FBXO36: variants seen among roughly 807,000 people sequenced by gnomAD.
FBXO36 encodes the protein F-box protein 36.
In FBXO36, 18 loss-of-function variants were observed where a neutral mutation model predicts 17.0. That is an observed-to-expected ratio of 1.06 (90% CI 0.73 to 1.57). The LOEUF (loss-of-function observed/expected upper bound fraction) is 1.57, where lower values mean the gene tolerates loss of function less well. Among genes scored for constraint, FBXO36 ranks in the 40% most tolerant of loss-of-function variants. The pLI, the probability that FBXO36 is intolerant of heterozygous loss-of-function variation, is 0.00. For missense variants in FBXO36, 229 were observed against 221.9 expected (o/e 1.03, Z -0.20); for synonymous variants, 83 against 85.3 (o/e 0.97, Z 0.15).
At chr2:229,950,536 T>C (rs1292180628) in intron 1 of FBXO36, among the ~76,000 whole-genome samples, 1 of 152,076 alleles carries the variant, frequency 6.6e-6, no homozygotes, top group Non-Finnish European at 1.5e-5. Flanking sequence ...CTGTCTAAGG[T>C]CAGAAATGTC....
chr2:229,953,329 ACT>A, intron 1 of FBXO36, among the ~76,000 whole-genome samples: 1 of 151,698 alleles, frequency 6.6e-6, no homozygotes, highest in African/African-American at 2.4e-5. Flanking sequence ...ACAGAGTGAG[ACT>A]CTCAAAAAAT....
chr2:229,960,958 A>C (rs2077117577), intron 1 of FBXO36, among the ~76,000 whole-genome samples: 1 of 152,056 alleles, frequency 6.6e-6, no homozygotes, highest in African/African-American at 2.4e-5. Context: ...AAAATACAAA[A>C]ATTAGCTGGG....
intron 2 of FBXO36, among the ~76,000 whole-genome samples, chr2:229,986,366 A>T (rs894054117): frequency 3.9e-5 from 6 of 151,962 alleles, no homozygotes; most frequent in African/African-American, 1.4e-4. Flanking sequence ...CTGGGTGTGG[A>T]TTCACGTTCA....
intron 3 of FBXO36, among the ~76,000 whole-genome samples, chr2:229,998,842 G>A (rs1268053134): frequency 1.4e-5 from 2 of 140,140 alleles, no homozygotes; most frequent in African/African-American, 2.7e-5. Flanking sequence ...TCTGTCTGTC[G>A]CCCAGGCTGA....
intron 3 of FBXO36, among the ~76,000 whole-genome samples, chr2:230,007,452 G>A (rs951718907): frequency 9.2e-5 from 14 of 152,258 alleles, no homozygotes; most frequent in Middle Eastern, 3.4e-3. Context: ...TGGCCAAGCA[G>A]GTGAAGCCCC....
chr2:229,980,752 G>T (rs2077234964), intron 2 of FBXO36, among the ~76,000 whole-genome samples: 1 of 152,148 alleles, frequency 6.6e-6, no homozygotes, highest in Non-Finnish European at 1.5e-5. Flanking sequence ...CCTGCTGGCT[G>T]TGTTCCTGCT....
intron 3 of FBXO36, among the ~76,000 whole-genome samples, chr2:229,998,487 T>C (rs1474858154): frequency 6.6e-6 from 1 of 152,090 alleles, no homozygotes; most frequent in Non-Finnish European, 1.5e-5. Flanking sequence ...CCAAGCGTGG[T>C]AGCACATGCC....
intron 3 of FBXO36, among the ~76,000 whole-genome samples, chr2:229,997,615 A>G (rs1446425430): frequency 6.7e-6 from 1 of 150,110 alleles, no homozygotes; most frequent in Non-Finnish European, 1.5e-5. Context: ...TAGGGCAAGG[A>G]GGACAACCTG....
chr2:229,930,314 C>T (rs1207608666), intron 1 of FBXO36, among the ~76,000 whole-genome samples: 1 of 152,048 alleles, frequency 6.6e-6, no homozygotes, highest in Non-Finnish European at 1.5e-5. Context: ...CCAGTGCACT[C>T]CACTGAACAG....
At chr2:229,985,477 C>T (rs1382623324) in intron 2 of FBXO36, among the ~76,000 whole-genome samples, 1 of 151,986 alleles carries the variant, frequency 6.6e-6, no homozygotes, top group African/African-American at 2.4e-5. Flanking sequence ...TAACTAACAC[C>T]TCTTACAACA....
chr2:229,926,562 G>C (rs550629510), intron 1 of FBXO36, among the ~76,000 whole-genome samples: 4 of 151,602 alleles, frequency 2.6e-5, no homozygotes, highest in Non-Finnish European at 5.9e-5. Context: ...TGGCCAACAT[G>C]GTAAAACCCT....
intron 1 of FBXO36, among the ~76,000 whole-genome samples, chr2:229,949,275 C>T (rs542147063): frequency 1.3e-5 from 2 of 152,268 alleles, no homozygotes; most frequent in South Asian, 2.1e-4. Flanking sequence ...AACGTGTGCA[C>T]GTCCTTTATT....
At chr2:229,991,299 G>A (rs561058658) in intron 2 of FBXO36, among the ~76,000 whole-genome samples, 1 of 152,182 alleles carries the variant, frequency 6.6e-6, no homozygotes, top group East Asian at 1.9e-4. Context: ...TGTTTCCCAG[G>A]ATTATGAACT....
chr2:229,994,270 G>A (rs915528703), intron 2 of FBXO36, among the ~76,000 whole-genome samples: 1 of 152,122 alleles, frequency 6.6e-6, no homozygotes, highest in Non-Finnish European at 1.5e-5. Flanking sequence ...TTAATGCTGA[G>A]TTTTTGAAAG....
chr2:229,980,283 A>C (rs1321232036), intron 2 of FBXO36, among the ~76,000 whole-genome samples: 1 of 146,316 alleles, frequency 6.8e-6, no homozygotes, highest in Non-Finnish European at 1.6e-5. Flanking sequence ...CTGGTCTCGA[A>C]CTCCTGGCCT....
intron 3 of FBXO36, among the ~76,000 whole-genome samples, chr2:230,004,441 A>G (rs772916506): frequency 3.3e-5 from 5 of 152,330 alleles, no homozygotes; most frequent in South Asian, 2.1e-4. Context: ...AATGTTTAAA[A>G]ATTATGTATC....
At chr2:229,954,513 G>A (rs959334533) in intron 1 of FBXO36, among the ~76,000 whole-genome samples, 18 of 148,142 alleles carry the variant, frequency 1.2e-4, no homozygotes, top group African/African-American at 3.2e-4. Context: ...AAAGTGCTGG[G>A]ATTACAGGCA....
At chr2:229,992,180 G>T (rs530917748) in intron 2 of FBXO36, among the ~76,000 whole-genome samples, 1 of 150,858 alleles carries the variant, frequency 6.6e-6, no homozygotes, top group Non-Finnish European at 1.5e-5. Context: ...TTTTTTTGAG[G>T]TGGAGTCTTA....
intron 1 of FBXO36, among the ~76,000 whole-genome samples, chr2:229,959,075 A>G (rs1248941620): frequency 6.6e-6 from 1 of 152,198 alleles, no homozygotes; most frequent in Non-Finnish European, 1.5e-5. Context: ...GTGACATTCC[A>G]TTCACTTAGG....
Sources: gnomAD v4.1 joint callset for allele counts (sites outside exome capture counted in the v4.1 genomes callset) on GRCh38, gnomAD v4.1.1 for gene constraint, MANE v1.5 for transcripts, NCBI Gene and HGNC (gene_info 2026-07-23, HGNC 2026-07-21) for gene names.